Variants in TRPV2 observed in about 807,000 individuals in gnomAD.
The protein encoded by TRPV2 is OTRPC2.
TRPV2 carries 58 observed loss-of-function variants against 91.0 expected under a neutral mutation model. The ratio of observed to expected loss-of-function variants is 0.64; its 90% CI spans 0.52 to 0.79. The LOEUF is 0.79. TRPV2 is among the 30% of genes least tolerant of loss of function. TRPV2 has a pLI of 0.00. For missense variants in TRPV2, 807 were observed against 969.6 expected (o/e 0.83, Z 2.23); for synonymous variants, 417 against 414.8 (o/e 1.01, Z -0.06).
chr17:16,433,713 G>A lies in TRPV2; in HGVS notation c.2114+15G>A. 1 of 1,612,814 alleles carries A rather than the reference G, an allele frequency of 6.2e-7. No individual in the cohort carries two copies. The highest frequency in any genetic ancestry group is 8.5e-7 in the Non-Finnish European group (1 of 1,179,664). On this transcript the variant is annotated intron_variant, in intron 13 of 14. Coordinates refer to ENST00000338560, the MANE Select transcript of TRPV2 (RefSeq NM_016113.5). ...TGGTGCTTCAGGTGAGTGAGTGGTG[G>A]GAGGGTCTCCTGGGGGCCTTGCTGT...
In TRPV2 at chr17:16,422,804, G is replaced by A; in HGVS notation, c.540G>A (p.Lys180=). ...AGAAGAGGAGTCTGCAGTGTGTGAA[G>A]CTCCTGGTGGAGAATGGGGCCAATG... ...AIEKRSLQCV[K]LLVENGANVH... Residue 180 remains lysine (K), a synonymous_variant, in exon 4 of 15, where the codon AAG becomes AAA. Coordinates refer to ENST00000338560, the MANE Select transcript of TRPV2 (RefSeq NM_016113.5). 6.4e-7 allele frequency: 1 copy of A among 1,573,784 alleles called. No homozygotes were observed.
rs112827791 is a variant in TRPV2 at position 16,433,464 on chromosome 17, C to A, written c.1990-110C>A. ...GAATCCGCGTGTTTAGTTGACTTCGCGTTATACTGTGAAGTGCTGCGCGGC... is the reference window on the plus strand; with the variant it reads ...GAATCCGCGTGTTTAGTTGACTTCGAGTTATACTGTGAAGTGCTGCGCGGC... On this transcript the variant is annotated intron_variant, in intron 12 of 14. Transcript: ENST00000338560. 1,354 of 1,473,930 alleles carry A rather than the reference C, an allele frequency of 9.2e-4. 16 individuals carry two copies. In the African/African-American group the frequency reaches 0.016, roughly 17 times the overall value. The allele number at this position is 1,473,930 out of a possible 1,614,324, so 91.3% of individuals were successfully genotyped here. A position where few individuals can be genotyped will look rare whatever the true frequency, so the allele number is the denominator to read the frequency against.
intron 3 of TRPV2, among the ~76,000 whole-genome samples, chr17:16,420,497 C>T (rs1186352465): frequency 6.6e-6 from 1 of 152,216 alleles, no homozygotes; most frequent in Non-Finnish European, 1.5e-5. Flanking sequence ...TAGCCCATTG[C>T]AGTGGCTGAA....
At position 16,430,646 on chromosome 17, in the gene TRPV2, C is replaced by T. The variant is rs148449104; in HGVS notation, c.1588-1138C>T. Among the ~76,000 whole-genome samples the T allele has an allele frequency of 2.3e-3, 348 of 152,172 alleles. 4 individuals carry two copies. Among genetic ancestry groups the T allele is most frequent in the African/African-American group, 7.8e-3 (326 of 41,540 alleles). ...GACTACAGGCATGTGTCACCACATC[C>T]GGCAAATTTTTTTTATTTTTAGTAG... On this transcript the variant is annotated intron_variant, in intron 10 of 14. Coordinates refer to ENST00000338560, the MANE Select transcript of TRPV2 (RefSeq NM_016113.5).
chr17:16,430,870 A>T (rs2093406551), intron 10 of TRPV2, among the ~76,000 whole-genome samples: 1 of 151,952 alleles, frequency 6.6e-6, no homozygotes, highest in South Asian at 2.1e-4. Flanking sequence ...CGATCCAGTC[A>T]CCTGTTGCTT....
intron 8 of TRPV2, among the ~76,000 whole-genome samples, chr17:16,428,079 C>T (rs1472048196): frequency 6.6e-6 from 1 of 152,190 alleles, no homozygotes; most frequent in Non-Finnish European, 1.5e-5. Context: ...GTGCTCTTCC[C>T]CTTCCTGCAT....
chr17:16,432,509 C>T (rs1568921095), intron 12 of TRPV2, among the ~76,000 whole-genome samples: 2 of 150,872 alleles, frequency 1.3e-5, no homozygotes, highest in African/African-American at 2.4e-5. Context: ...GGCACGATCA[C>T]AGCTCAATGC....
In TRPV2 at chr17:16,435,368, C is replaced by G. The variant is rs1333613474; in HGVS notation, c.2194+399C>G. ...TAGGAAGGGCTGTGTCACAGCGCAG[C>G]CTACAACAGAGGCAGCATCTCCCTG... On this transcript the variant is annotated intron_variant, in intron 14 of 14. Coordinates refer to ENST00000338560, the MANE Select transcript of TRPV2 (RefSeq NM_016113.5). The surrounding 1 kb of genome is among the most constrained non-coding windows in gnomAD (Gnocchi z 4.2). 6.6e-6 allele frequency among the ~76,000 whole-genome samples: 1 copy of G among 152,172 alleles called. No individual in the cohort carries two copies. Among genetic ancestry groups the G allele is most frequent in the African/African-American group, 2.4e-5 (1 of 41,438 alleles).
chr17:16,427,632 C>G, intron 8 of TRPV2, 85 bp downstream of exon 8: 1 of 1,302,112 alleles, frequency 7.7e-7, no homozygotes, highest in Non-Finnish European at 1.1e-6. Flanking sequence ...TGCATCCCCT[C>G]ACTGACAATA....
chr17:16,421,457 A>G (rs1357367614), intron 3 of TRPV2, among the ~76,000 whole-genome samples: 2 of 149,754 alleles, frequency 1.3e-5, no homozygotes, highest in Non-Finnish European at 3.0e-5. Flanking sequence ...TGACTTCGTG[A>G]TCCGCCCGCC....
At chr17:16,423,128 T>A (rs991974504) in intron 4 of TRPV2, among the ~76,000 whole-genome samples, 8 of 152,234 alleles carry the variant, frequency 5.3e-5, no homozygotes, top group African/African-American at 1.9e-4. Context: ...TACAAGTGTG[T>A]GCCACCACAT....
rs368892718 is a variant in TRPV2, at chr17:16,417,582, G to A, written c.-87G>A. ...TGCAGGCTCCAGTCAGGCCAACACC[G>A]ACGCGCAGCTGGGAGGAAGACAGGA... On this transcript the variant is annotated 5_prime_UTR_variant, in exon 2 of 15. Coordinates refer to ENST00000338560, the MANE Select transcript of TRPV2 (RefSeq NM_016113.5). 51 of 1,448,886 alleles carry A rather than the reference G, an allele frequency of 3.5e-5. No individual in the cohort carries two copies. The Middle Eastern group carries it at 6.1e-4, about 17-fold the overall frequency. 89.8% of individuals were successfully genotyped at this position (1,448,886 alleles called of 1,614,324 possible).
In TRPV2 at chr17:16,426,784, G is replaced by T. The variant is rs751390433; in HGVS notation, c.1158G>T (p.Leu386=). ...LNKLLQAKWD[L]LIPKFFLNFL... is the part of the protein sequence containing the mutation. ...AACTGCTGCAGGCGAAATGGGATCT[G>T]CTCATCCCCAAGTTCTTCTTAAACT... The change falls in exon 7 of 15, where the codon CTG becomes CTT. Residue 386 remains leucine (L), a synonymous_variant. Transcript: ENST00000338560. This position sits in a 1 kb window ranked among gnomAD's most constrained non-coding sequence, Gnocchi z 6.0. 5 of 1,613,932 alleles carry T rather than the reference G, an allele frequency of 3.1e-6. No homozygotes were observed. In the African/African-American group the frequency reaches 5.3e-5, roughly 17 times the overall value.
chr17:16,416,573 G>A (rs914079346), intron 1 of TRPV2: 7 of 152,828 alleles, frequency 4.6e-5, no homozygotes, highest in Non-Finnish European at 7.3e-5. Flanking sequence ...TGGGCCACAG[G>A]CTAGGGGCCT....
chr17:16,436,806 G>A lies in TRPV2; in HGVS notation c.2212G>A (p.Val738Ile). The A allele has an allele frequency of 1.2e-6, 2 of 1,614,026 alleles. No individual in the cohort carries two copies. The highest frequency in any genetic ancestry group is 1.7e-6 in the Non-Finnish European group (2 of 1,179,932). ...GTTTACAGGAACTCTCGAGAACCCTGTCCTGGCTTCCCCTCCCAAGGAGGA... is the reference window on the plus strand; with the variant it reads ...GTTTACAGGAACTCTCGAGAACCCTATCCTGGCTTCCCCTCCCAAGGAGGA... Reference protein sequence around the residue: ...AGVPRTLENPVLASPPKEDED... With the variant: ...AGVPRTLENPILASPPKEDED... Residue 738 changes from valine (V) to isoleucine (I), a missense_variant, in exon 15 of 15, where the codon GTC (valine) becomes ATC (isoleucine). Coordinates refer to ENST00000338560, the MANE Select transcript of TRPV2 (RefSeq NM_016113.5).
At chr17:16,436,662 C>T in intron 14 of TRPV2, 127 bp from the exon 15 acceptor site, 2 of 696,704 alleles carry the variant, frequency 2.9e-6, no homozygotes, top group Non-Finnish European at 5.2e-6. Context: ...GATTGCTGGC[C>T]TCCAGGATCG....
chr17:16,436,648 G>C, intron 14 of TRPV2, 141 bp from the exon 15 acceptor site: 1 of 668,362 alleles, frequency 1.5e-6, no homozygotes, highest in Non-Finnish European at 2.7e-6. Flanking sequence ...GAAGCAGGGA[G>C]AAGGATTGCT....
chr17:16,425,504 A>G (rs900113186), intron 5 of TRPV2, among the ~76,000 whole-genome samples: 1 of 152,200 alleles, frequency 6.6e-6, no homozygotes, highest in African/African-American at 2.4e-5. Flanking sequence ...TTTTTGAAAG[A>G]TTAAGGAAAC....
chr17:16,425,088 G>A (rs186084902), intron 5 of TRPV2, among the ~76,000 whole-genome samples: 10 of 146,700 alleles, frequency 6.8e-5, no homozygotes, highest in African/African-American at 2.0e-4. Context: ...ACAATGGCGC[G>A]ATCTCGGCTA....
Sources: allele counts gnomAD v4.1 joint callset (sites outside exome capture counted in the v4.1 genomes callset), GRCh38; gene constraint gnomAD v4.1.1; non-coding constraint Gnocchi (gnomAD v3.1); transcripts MANE v1.5; gene names NCBI Gene and HGNC (gene_info 2026-07-23, HGNC 2026-07-21).